The following CAMK2G variants were observed in gnomAD, a reference collection of about 807,000 sequenced individuals.
CAMK2G encodes calcium/calmodulin dependent protein kinase II gamma, also known as calcium/calmodulin-dependent protein kinase type II subunit gamma.
In CAMK2G, 23 loss-of-function variants were observed where a neutral mutation model predicts 88.7. The observed-to-expected ratio is 0.26, with a 90% CI of 0.19 to 0.37. The LOEUF (loss-of-function observed/expected upper bound fraction) is 0.37, where lower values mean the gene tolerates loss of function less well. CAMK2G is among the 10% of genes least tolerant of loss of function. The pLI is 1.00. For missense variants in CAMK2G, 476 were observed against 780.8 expected (o/e 0.61, Z 4.65); for synonymous variants, 263 against 294.8 (o/e 0.89, Z 1.11).
chr10:73,865,001 T>C (rs1333600248), intron 2 of CAMK2G, among the ~76,000 whole-genome samples: 1 of 152,174 alleles, frequency 6.6e-6, no homozygotes, highest in Non-Finnish European at 1.5e-5. Flanking sequence ...ACTGAGGTGG[T>C]ACAGGTCAAG....
chr10:73,849,403 G>T, intron 5 of CAMK2G, 70 bp from the exon 6 acceptor site: 2 of 1,104,162 alleles, frequency 1.8e-6, no homozygotes, highest in Non-Finnish European at 2.7e-6. Flanking sequence ...ACAACCACAT[G>T]CTGCAGACTA....
intron 21 of CAMK2G, 173 bp downstream of exon 21, chr10:73,816,850 A>G: frequency 6.3e-7 from 1 of 1,586,426 alleles, no homozygotes; most frequent in Non-Finnish European, 8.6e-7. Flanking sequence ...GGGCCTTCAA[A>G]GGTGCCTGTC....
Position 73,847,270 on chromosome 10 carries a change from T to G in CAMK2G, c.774A>C (p.Ala258=), listed in dbSNP as rs1427380490. Residue 258 remains alanine (A), a synonymous_variant, in exon 10 of 23, where the codon GCA becomes GCC. Transcript: ENST00000423381. ...LINQMLTINP[A]KRITADQALK... is the part of the protein sequence containing the mutation. ...GAGCCTGGTCAGCCGTGATGCGCTT[T>G]GCTGGGTTTATGGTCAGCATCTGGT... is the stretch of plus-strand genomic sequence containing the variant. 1 of 1,614,228 alleles carries G rather than the reference T, an allele frequency of 6.2e-7. No homozygotes were observed. Among genetic ancestry groups the G allele is most frequent in the Non-Finnish European group, 8.5e-7 (1 of 1,180,022 alleles).
rs143858298 is a variant in CAMK2G at position 73,868,928 on chromosome 10, G to A, written c.160+4061C>T. Among the ~76,000 whole-genome samples the A allele has an allele frequency of 6.8e-3, 1,032 of 152,300 alleles. 16 individuals carry two copies. The highest frequency in any genetic ancestry group is 0.024 in the African/African-American group (995 of 41,548). Reference sequence around the variant, plus strand: ...CACAACCCGAGCCACCCAGCTTGCCGCAGCCTCAGACACAGACACCCCAAT... The same window carrying A: ...CACAACCCGAGCCACCCAGCTTGCCACAGCCTCAGACACAGACACCCCAAT... On this transcript the variant is annotated intron_variant, in intron 2 of 22. Transcript: ENST00000423381.
At chr10:73,838,052 G>A (rs2093422792) in intron 13 of CAMK2G, among the ~76,000 whole-genome samples, 1 of 152,252 alleles carries the variant, frequency 6.6e-6, no homozygotes. Context: ...CCTTCACTGA[G>A]CAGGTCCTCA....
intron 2 of CAMK2G, among the ~76,000 whole-genome samples, chr10:73,862,914 T>C (rs2095442454): frequency 6.6e-6 from 1 of 152,132 alleles, no homozygotes; most frequent in South Asian, 2.1e-4. Flanking sequence ...ATTAGGTAAA[T>C]GCTATGATTG....
rs2084517833 is a variant in CAMK2G, at chr10:73,812,757, A to G, written c.*1761T>C. On this transcript the variant is annotated 3_prime_UTR_variant, in exon 23 of 23. Coordinates refer to ENST00000423381, the MANE Select transcript of CAMK2G (RefSeq NM_001367534.1). Reference sequence around the variant, plus strand: ...GAAGTGGGGCTGGAGCAGCCATATGAAGCTATGGGTCTCAATGAATTCTAA... The same window carrying G: ...GAAGTGGGGCTGGAGCAGCCATATGGAGCTATGGGTCTCAATGAATTCTAA... The G allele has an allele frequency of 6.5e-6, 1 of 152,708 alleles. No individual in the cohort carries two copies. The highest frequency in any genetic ancestry group is 1.5e-5 in the Non-Finnish European group (1 of 68,050). The allele number at this position is 152,708 out of a possible 1,614,324, so 9.5% of individuals were successfully genotyped here. A position where few individuals can be genotyped will look rare whatever the true frequency, so the allele number is the denominator to read the frequency against.
rs761375207 is a variant in CAMK2G at position 73,828,129 on chromosome 10, C to T, written c.1054-8G>A. The T allele has an allele frequency of 3.1e-6, 5 of 1,611,944 alleles. No homozygotes were observed. The African/African-American group carries it at 6.7e-5, about 22-fold the overall frequency. ...GGAACTCGACTTCCTTTTCTGGACA[C>T]ACCACAGCAAGAGGGAAAGAGAAGG... On this transcript the variant is annotated splice_polypyrimidine_tract_variant and splice_region_variant and intron_variant, in intron 14 of 22. Transcript: ENST00000423381.
At chr10:73,857,384 C>T (rs780934871) in intron 3 of CAMK2G, among the ~76,000 whole-genome samples, 1 of 152,174 alleles carries the variant, frequency 6.6e-6, no homozygotes, top group Non-Finnish European at 1.5e-5. Flanking sequence ...AGTTAAATAA[C>T]TTGCCAGAGG....
chr10:73,825,879 G>C (rs2090766550), intron 15 of CAMK2G, among the ~76,000 whole-genome samples: 1 of 152,222 alleles, frequency 6.6e-6, no homozygotes, highest in South Asian at 2.1e-4. Context: ...CCAGAGGATG[G>C]GGGTGGAAGT....
intron 21 of CAMK2G, among the ~76,000 whole-genome samples, 175 bp from the exon 22 acceptor site, chr10:73,815,422 T>C (rs542665429): frequency 7.9e-6 from 1 of 127,010 alleles, no homozygotes; most frequent in Admixed American, 9.0e-5. Flanking sequence ...GGATGCCACA[T>C]TACATTAGTC....
In CAMK2G at chr10:73,848,072, C is replaced by T; in HGVS notation, c.612G>A (p.Leu204=). The T allele has an allele frequency of 1.2e-6, 2 of 1,600,010 alleles. No individual in the cohort carries two copies. Among genetic ancestry groups the T allele is most frequent in the Non-Finnish European group, 1.7e-6 (2 of 1,167,258 alleles). ...PVDIWACGVI[L]YILLVGYPPF... Reference sequence around the variant, plus strand: ...GAGGATAGCCCACCAGGAGGATATACAGGATGACCCCTACGAGACAGAACA... The same window carrying T: ...GAGGATAGCCCACCAGGAGGATATATAGGATGACCCCTACGAGACAGAACA... Residue 204 remains leucine, a synonymous_variant, in exon 9 of 23, where the codon CTG becomes CTA. Coordinates refer to ENST00000423381, the MANE Select transcript of CAMK2G (RefSeq NM_001367534.1). The surrounding 1 kb of genome is among the most constrained non-coding windows in gnomAD (Gnocchi z 4.5).
chr10:73,813,464 C>A lies in CAMK2G; in HGVS notation c.*1054G>T, dbSNP rs1396207255. On this transcript the variant is annotated 3_prime_UTR_variant, in exon 23 of 23. Coordinates refer to ENST00000423381, the MANE Select transcript of CAMK2G (RefSeq NM_001367534.1). ...CTGAATGCATAGAAACGACCACCAC[C>A]TCTTCTCCCACTGCCTCACTCCTCC... The A allele has an allele frequency of 1.3e-5, 2 of 152,728 alleles. No individual in the cohort carries two copies. The highest frequency in any genetic ancestry group is 2.9e-5 in the Non-Finnish European group (2 of 68,108). The allele number at this position is 152,728 out of a possible 1,614,324, so 9.5% of individuals were successfully genotyped here.
intron 22 of CAMK2G, 106 bp downstream of exon 22, chr10:73,814,897 C>T (rs183921411): frequency 2.9e-5 from 21 of 713,178 alleles, no homozygotes; most frequent in Middle Eastern, 4.0e-4. Context: ...TCCTCTGGGA[C>T]GGCCCACACC....
At chr10:73,837,060 T>C in intron 14 of CAMK2G, 1 of 235,566 alleles carries the variant, frequency 4.2e-6, no homozygotes, top group South Asian at 6.0e-5. Flanking sequence ...CCAAGCCCTA[T>C]ACCCTGCCTG....
At chr10:73,816,272 T>G in intron 21 of CAMK2G, 1 of 990,368 alleles carries the variant, frequency 1.0e-6, no homozygotes, top group Non-Finnish European at 1.2e-6. Flanking sequence ...GTCAGGAAGA[T>G]TCTAGCCACA....
intron 21 of CAMK2G, chr10:73,816,647 G>C (rs12220394): frequency 0.14 from 98,362 of 719,374 alleles, 7,347 homozygotes; most frequent in South Asian, 0.22. Context: ...TTTTAGTAGA[G>C]ATGGGGTTTC....
intron 14 of CAMK2G, among the ~76,000 whole-genome samples, chr10:73,830,639 G>A (rs932023423): frequency 9.2e-5 from 14 of 152,138 alleles, no homozygotes; most frequent in Admixed American, 8.5e-4. Flanking sequence ...TGGCCATTCT[G>A]GCCTGGGACT....
chr10:73,850,150 C>T (rs1198807179), intron 5 of CAMK2G, among the ~76,000 whole-genome samples: 2 of 152,100 alleles, frequency 1.3e-5, no homozygotes, highest in African/African-American at 2.4e-5. Flanking sequence ...CATGAGCCAC[C>T]GTGCCCAGCT....
Sources: gnomAD v4.1 joint callset for allele counts (sites outside exome capture counted in the v4.1 genomes callset) on GRCh38, gnomAD v4.1.1 for gene constraint, Gnocchi (gnomAD v3.1) non-coding constraint, MANE v1.5 for transcripts, NCBI Gene and HGNC (gene_info 2026-07-23, HGNC 2026-07-21) for gene names.